Variants in SEM1 observed in about 807,000 individuals in gnomAD.
The protein encoded by SEM1 is 26S proteasome complex subunit SEM1.
In SEM1, 3 loss-of-function variants were observed where a neutral mutation model predicts 12.7. The ratio of observed to expected loss-of-function variants is 0.24; its 90% CI spans 0.11 to 0.61. The LOEUF is 0.61. Among genes scored for constraint, SEM1 ranks in the 20% least tolerant of loss-of-function variants. SEM1 has a pLI of 0.88. For missense variants in SEM1, 59 were observed against 81.3 expected (o/e 0.73, Z 1.06); for synonymous variants, 30 against 27.8 (o/e 1.08, Z -0.25).
At chr7:96,696,072 G>C (rs1173722600) in intron 1 of SEM1, 1 of 151,738 alleles carries the variant, frequency 6.6e-6, no homozygotes, top group Non-Finnish European at 1.5e-5. Flanking sequence ...AACTTAGAGA[G>C]GGGAAAAATA....
At chr7:96,706,781 A>G (rs1467388342) in intron 1 of SEM1, among the ~76,000 whole-genome samples, 1 of 152,094 alleles carries the variant, frequency 6.6e-6, no homozygotes, top group Non-Finnish European at 1.5e-5. Flanking sequence ...CTATACTCCA[A>G]GTTACCCGAG....
intron 2 of SEM1, among the ~76,000 whole-genome samples, chr7:96,597,988 A>G (rs1266167060): frequency 6.6e-6 from 1 of 152,108 alleles, no homozygotes; most frequent in Non-Finnish European, 1.5e-5. Flanking sequence ...CATATCTTTG[A>G]CTTAAATTTA....
At chr7:96,507,360 C>T (rs568200111) in intron 2 of SEM1, among the ~76,000 whole-genome samples, 85 of 152,120 alleles carry the variant, frequency 5.6e-4, no homozygotes, top group Non-Finnish European at 3.4e-4. Flanking sequence ...GTAAAAATTA[C>T]TAAATGCTAA....
At chr7:96,697,821 A>G (rs901108346) in intron 1 of SEM1, among the ~76,000 whole-genome samples, 1 of 152,166 alleles carries the variant, frequency 6.6e-6, no homozygotes, top group Non-Finnish European at 1.5e-5. Context: ...AGTGATTCTG[A>G]GATAAATTTA....
At chr7:96,570,334 A>C (rs1345327619) in intron 2 of SEM1, among the ~76,000 whole-genome samples, 1 of 151,686 alleles carries the variant, frequency 6.6e-6, no homozygotes. Flanking sequence ...TCCTAATGCT[A>C]TCTCTCCCCT....
intron 2 of SEM1, among the ~76,000 whole-genome samples, chr7:96,535,547 A>G (rs1314848904): frequency 6.6e-6 from 1 of 151,884 alleles, no homozygotes. Flanking sequence ...TTTCACGTAC[A>G]GATTCTTTCA....
chr7:96,573,877 A>G (rs1250595935), intron 2 of SEM1, among the ~76,000 whole-genome samples: 4 of 151,826 alleles, frequency 2.6e-5, no homozygotes, highest in Admixed American at 6.6e-5. Context: ...TCTCCCCGTC[A>G]CTTTCAAGTA....
At chr7:96,490,110 TG>T (rs1432663589) in intron 1 of SEM1, among the ~76,000 whole-genome samples, 1 of 152,026 alleles carries the variant, frequency 6.6e-6, no homozygotes, top group African/African-American at 2.4e-5. Context: ...TGGAACAGAA[TG>T]GGATGAAAAA....
chr7:96,604,638 G>A (rs183938263), intron 2 of SEM1, among the ~76,000 whole-genome samples: 160 of 152,120 alleles, frequency 1.1e-3, no homozygotes, highest in African/African-American at 3.7e-3. Context: ...TAGAATCAGG[G>A]CCGGGTGTGG....
intron 2 of SEM1, among the ~76,000 whole-genome samples, chr7:96,528,296 C>A (rs754860837): frequency 6.6e-6 from 1 of 152,106 alleles, no homozygotes; most frequent in Non-Finnish European, 1.5e-5. Flanking sequence ...AAGGCTCAAG[C>A]AATCCTCCTA....
chr7:96,561,220 A>G (rs1309209479), intron 2 of SEM1, among the ~76,000 whole-genome samples: 4 of 152,210 alleles, frequency 2.6e-5, no homozygotes, highest in Non-Finnish European at 5.9e-5. Flanking sequence ...TAATTTTGCA[A>G]TGTTCCACAT....
intron 2 of SEM1, among the ~76,000 whole-genome samples, chr7:96,549,535 A>G (rs937110265): frequency 6.6e-6 from 1 of 152,156 alleles, no homozygotes; most frequent in African/African-American, 2.4e-5. Flanking sequence ...ATGAGCAGGG[A>G]CAGACTTTTT....
chr7:96,494,578 G>A (rs1316324381), intron 1 of SEM1, among the ~76,000 whole-genome samples: 2 of 152,094 alleles, frequency 1.3e-5, no homozygotes, highest in East Asian at 3.9e-4. Flanking sequence ...GTTAACCCCA[G>A]AATCTGGCAT....
intron 2 of SEM1, among the ~76,000 whole-genome samples, chr7:96,537,329 A>G (rs887873833): frequency 2.6e-5 from 4 of 151,688 alleles, no homozygotes; most frequent in Non-Finnish European, 5.9e-5. Flanking sequence ...AGAGAAGTAA[A>G]TGATTTTACT....
At chr7:96,630,441 C>A (rs565678722) in intron 2 of SEM1, among the ~76,000 whole-genome samples, 1 of 152,312 alleles carries the variant, frequency 6.6e-6, no homozygotes, top group African/African-American at 2.4e-5. Flanking sequence ...TACTGCCAGA[C>A]TACCTCTGAT....
intron 2 of SEM1, among the ~76,000 whole-genome samples, chr7:96,563,079 A>G (rs898108795): frequency 6.6e-6 from 1 of 152,134 alleles, no homozygotes; most frequent in African/African-American, 2.4e-5. Flanking sequence ...TGATGCAGTC[A>G]TGGGTGGGGG....
At chr7:96,551,149 G>A (rs147102359) in intron 2 of SEM1, among the ~76,000 whole-genome samples, 3 of 152,232 alleles carry the variant, frequency 2.0e-5, no homozygotes, top group Non-Finnish European at 2.9e-5. Context: ...AAAGGAGAGA[G>A]GGAAGAGGGT....
At chr7:96,532,286 G>A (rs1009133257) in intron 2 of SEM1, among the ~76,000 whole-genome samples, 6 of 151,782 alleles carry the variant, frequency 4.0e-5, no homozygotes, top group South Asian at 2.1e-4. Flanking sequence ...CATTGCCAAG[G>A]CAATATAAAA....
intron 1 of SEM1, among the ~76,000 whole-genome samples, chr7:96,701,116 C>T (rs1337419986): frequency 6.6e-6 from 1 of 151,906 alleles, no homozygotes; most frequent in African/African-American, 2.4e-5. Context: ...CATCCAAAAT[C>T]CAAACTCCTA....
Sources: allele counts gnomAD v4.1 joint callset (sites outside exome capture counted in the v4.1 genomes callset), GRCh38; gene constraint gnomAD v4.1.1; transcripts MANE v1.5; gene names NCBI Gene and HGNC (gene_info 2026-07-23, HGNC 2026-07-21).